Variants in TMEM178B observed in about 807,000 individuals in gnomAD.
The protein encoded by TMEM178B is transmembrane protein 178B.
Under a neutral mutation model 31.0 loss-of-function variants are expected in TMEM178B, and 5 were observed. The observed-to-expected ratio is 0.16, with a 90% CI of 0.08 to 0.34. The LOEUF is 0.34. TMEM178B is among the 10% of genes least tolerant of loss of function. The pLI, the probability that TMEM178B is intolerant of heterozygous loss-of-function variation, is 1.00. For synonymous variants in TMEM178B, 164 were observed against 164.0 expected (o/e 1.00, Z 0.00); for missense variants, 275 against 400.3 (o/e 0.69, Z 2.67).
At chr7:141,165,467 C>T (rs1056974499) in intron 1 of TMEM178B, among the ~76,000 whole-genome samples, 5 of 152,172 alleles carry the variant, frequency 3.3e-5, no homozygotes, top group Non-Finnish European at 7.3e-5. Flanking sequence ...ATGATATCAG[C>T]ATGCCTTACT....
intron 2 of TMEM178B, among the ~76,000 whole-genome samples, chr7:141,420,703 A>G (rs917562582): frequency 1.1e-4 from 16 of 151,926 alleles, no homozygotes; most frequent in African/African-American, 3.9e-4. Flanking sequence ...AGGCACAGTG[A>G]CTCCCAGGTT....
chr7:141,125,262 A>G (rs1282023804), intron 1 of TMEM178B, among the ~76,000 whole-genome samples: 2 of 152,228 alleles, frequency 1.3e-5, no homozygotes, highest in Admixed American at 6.5e-5. Context: ...TGGCTTAAAC[A>G]GATATGCCAT....
Position 141,470,817 on chromosome 7 carries a change from T to A in TMEM178B, c.*31T>A, listed in dbSNP as rs900852795. ...AAACCCATACATACATATATATATA[T>A]AAATATATATATATAATATACATAT... On this transcript the variant is annotated 3_prime_UTR_variant, in exon 4 of 4. Coordinates refer to ENST00000565468, the MANE Select transcript of TMEM178B (RefSeq NM_001195278.2). The A allele has an allele frequency of 2.1e-5, 21 of 979,348 alleles. No individual in the cohort carries two copies. Among genetic ancestry groups the A allele is most frequent in the African/African-American group, 1.1e-4 (6 of 56,514 alleles). 60.7% of individuals were successfully genotyped at this position (979,348 alleles called of 1,614,324 possible).
At chr7:141,089,065 A>T (rs1159088844) in intron 1 of TMEM178B, among the ~76,000 whole-genome samples, 3 of 152,214 alleles carry the variant, frequency 2.0e-5, no homozygotes, top group Admixed American at 1.3e-4. Flanking sequence ...CCCTGTGGAT[A>T]AAAAGGTGAG....
intron 1 of TMEM178B, among the ~76,000 whole-genome samples, chr7:141,201,439 AG>A (rs1796876265): frequency 6.6e-6 from 1 of 152,012 alleles, no homozygotes; most frequent in South Asian, 2.1e-4. Context: ...GTGGGTGGGG[AG>A]GGGCATGATC....
intron 2 of TMEM178B, among the ~76,000 whole-genome samples, chr7:141,372,893 G>A (rs1800144130): frequency 6.6e-6 from 1 of 152,198 alleles, no homozygotes; most frequent in Non-Finnish European, 1.5e-5. Flanking sequence ...GAGAAGACTG[G>A]AGGCAGCGGT....
chr7:141,371,265 C>T (rs1800110286), intron 2 of TMEM178B, among the ~76,000 whole-genome samples: 1 of 151,976 alleles, frequency 6.6e-6, no homozygotes, highest in Non-Finnish European at 1.5e-5. Context: ...AGTGAGTTCT[C>T]ACTCTATTAG....
intron 2 of TMEM178B, among the ~76,000 whole-genome samples, chr7:141,404,517 C>G (rs966650421): frequency 6.6e-6 from 1 of 152,148 alleles, no homozygotes; most frequent in Admixed American, 6.5e-5. Context: ...CTCTGCCTTG[C>G]TCTTCACGTG....
chr7:141,275,096 A>C (rs1002314939), intron 2 of TMEM178B, among the ~76,000 whole-genome samples: 1 of 152,260 alleles, frequency 6.6e-6, no homozygotes, highest in African/African-American at 2.4e-5. Flanking sequence ...TCTGGAAGAC[A>C]CTAAGAGAGT....
chr7:141,365,208 G>A (rs955575685), intron 2 of TMEM178B, among the ~76,000 whole-genome samples: 27 of 152,224 alleles, frequency 1.8e-4, no homozygotes, highest in Non-Finnish European at 2.8e-4. Context: ...CCACATTGCT[G>A]TCTTCAAACC....
intron 1 of TMEM178B, among the ~76,000 whole-genome samples, chr7:141,205,192 T>G (rs7793873): frequency 0.71 from 108,008 of 152,088 alleles, 38,978 homozygotes; most frequent in African/African-American, 0.79. Context: ...GGGAATAAAG[T>G]AGTCTAGGAA....
chr7:141,330,635 A>T (rs914061774), intron 2 of TMEM178B, among the ~76,000 whole-genome samples: 11 of 152,330 alleles, frequency 7.2e-5, no homozygotes, highest in Non-Finnish European at 1.5e-4. Flanking sequence ...TTGACACAGA[A>T]TCAGAGAAGA....
At chr7:141,333,334 T>G (rs1354954550) in intron 2 of TMEM178B, among the ~76,000 whole-genome samples, 1 of 152,256 alleles carries the variant, frequency 6.6e-6, no homozygotes, top group Non-Finnish European at 1.5e-5. Context: ...GCACAGCTAC[T>G]TTGAATTAAT....
chr7:141,498,096 G>C, the TMEM178B span, among the ~76,000 whole-genome samples: 1 of 152,188 alleles, frequency 6.6e-6, no homozygotes, highest in South Asian at 2.1e-4. Context: ...CTTTTGGAAA[G>C]CTTATGGACT....
At chr7:141,185,170 C>T (rs964747704) in intron 1 of TMEM178B, among the ~76,000 whole-genome samples, 2 of 152,162 alleles carry the variant, frequency 1.3e-5, no homozygotes, top group African/African-American at 4.8e-5. Flanking sequence ...AGCTGAAGCC[C>T]CAGTGGGCGT....
chr7:141,124,661 G>GTGTCAGGAA (rs1795461312), intron 1 of TMEM178B, among the ~76,000 whole-genome samples: 2 of 152,148 alleles, frequency 1.3e-5, no homozygotes, highest in South Asian at 4.1e-4. Flanking sequence ...ACCTAGCAGA[G>GTGTCAGGAA]TGTCAGGAAT....
At chr7:141,389,709 C>T (rs1381623799) in intron 2 of TMEM178B, among the ~76,000 whole-genome samples, 3 of 152,194 alleles carry the variant, frequency 2.0e-5, no homozygotes, top group Admixed American at 2.0e-4. Flanking sequence ...GTGTCAAAGC[C>T]GTTATTATTA....
At chr7:141,279,529 G>T (rs1352371506) in intron 2 of TMEM178B, among the ~76,000 whole-genome samples, 1 of 152,206 alleles carries the variant, frequency 6.6e-6, no homozygotes, top group South Asian at 2.1e-4. Flanking sequence ...AAGAGGGATG[G>T]GGAGAGCAAA....
chr7:141,140,462 C>G (rs1308912870), intron 1 of TMEM178B, among the ~76,000 whole-genome samples: 1 of 152,210 alleles, frequency 6.6e-6, no homozygotes, highest in Admixed American at 6.5e-5. Flanking sequence ...AGAGTTCTTA[C>G]AAATCCTGCC....
Sources: gnomAD v4.1 joint callset for allele counts (sites outside exome capture counted in the v4.1 genomes callset) on GRCh38, gnomAD v4.1.1 for gene constraint, MANE v1.5 for transcripts, NCBI Gene and HGNC (gene_info 2026-07-23, HGNC 2026-07-21) for gene names.